RERE: variants seen among roughly 807,000 people sequenced by gnomAD.
RERE encodes the protein arginine-glutamic acid dipeptide repeats.
Under a neutral mutation model 146.1 loss-of-function variants are expected in RERE, and 40 were observed. That is an observed-to-expected ratio of 0.27 (90% CI 0.21 to 0.36). The LOEUF is 0.36. RERE is among the 10% of genes least tolerant of loss of function. RERE has a pLI of 1.00. For synonymous variants in RERE, 1,003 were observed against 866.0 expected, an observed-to-expected ratio of 1.16 and a Z score of -2.78; for missense variants, 1,933 against 2,138.7, an observed-to-expected ratio of 0.90 and a Z score of 1.90.
At chr1:8,749,767 A>G (rs1640493284) in intron 1 of RERE, among the ~76,000 whole-genome samples, 1 of 152,202 alleles carries the variant, frequency 6.6e-6, no homozygotes, top group Non-Finnish European at 1.5e-5. Context: ...TTTTACTCCC[A>G]GCAGAATGAG....
chr1:8,692,062 T>C (rs1016614175), intron 1 of RERE, among the ~76,000 whole-genome samples: 3 of 152,180 alleles, frequency 2.0e-5, no homozygotes, highest in African/African-American at 7.2e-5. Flanking sequence ...CATTTAACTC[T>C]ACATAGATCT....
At chr1:8,459,544 C>G (rs187670122) in intron 11 of RERE, among the ~76,000 whole-genome samples, 184 of 152,242 alleles carry the variant, frequency 1.2e-3, no homozygotes, top group Admixed American at 2.3e-3. Flanking sequence ...TAAAAATTTT[C>G]AAGTTATAAT....
At chr1:8,678,701 A>G (rs1469305721) in intron 1 of RERE, among the ~76,000 whole-genome samples, 4 of 152,144 alleles carry the variant, frequency 2.6e-5, no homozygotes, top group Non-Finnish European at 5.9e-5. Flanking sequence ...TCTCCAAAAA[A>G]ATAAAAATAA....
chr1:8,413,532 TG>T (rs1184019042), intron 12 of RERE, among the ~76,000 whole-genome samples: 1 of 151,198 alleles, frequency 6.6e-6, no homozygotes, highest in African/African-American at 2.4e-5. Context: ...TTTGTAGAGA[TG>T]GGGTTTCACC....
chr1:8,707,949 TTGTTA>T (rs1639589374), intron 1 of RERE, among the ~76,000 whole-genome samples: 1 of 150,766 alleles, frequency 6.6e-6, no homozygotes, highest in South Asian at 2.1e-4. Flanking sequence ...TTACAATGTA[TTGTTA>T]TAATTGTTCT....
chr1:8,375,539 T>C (rs1242300638), intron 12 of RERE, among the ~76,000 whole-genome samples: 1 of 150,978 alleles, frequency 6.6e-6, no homozygotes, highest in Non-Finnish European at 1.5e-5. Context: ...CCACTGAAAA[T>C]GCTTCCTCGC....
At chr1:8,610,312 C>G (rs571328153) in intron 4 of RERE, among the ~76,000 whole-genome samples, 3 of 152,112 alleles carry the variant, frequency 2.0e-5, no homozygotes, top group East Asian at 1.9e-4. Flanking sequence ...GAATTTGGGC[C>G]GGGCACAGTG....
Position 8,423,515 on chromosome 1 carries a change from C to T in RERE, c.1204-708G>A, listed in dbSNP as rs1441674197. The T allele has an allele frequency of 1.0e-6, 1 of 982,676 alleles. No individual in the cohort carries two copies. The highest frequency in any genetic ancestry group is 1.7e-5 in the African/African-American group (1 of 57,192). 60.9% of individuals were successfully genotyped at this position (982,676 alleles called of 1,614,324 possible). ...CACTTTGTCCCATGCCTCCCGAGCA[C>T]CCCTCCCCGCCCCGGTGGGGGCAGC... is the stretch of plus-strand genomic sequence containing the variant. On this transcript the variant is annotated intron_variant, in intron 11 of 22. Transcript: ENST00000400908. The surrounding 1 kb of genome is among the most constrained non-coding windows in gnomAD (Gnocchi z 5.4).
intron 1 of RERE, among the ~76,000 whole-genome samples, chr1:8,727,454 T>C (rs1639994943): frequency 6.6e-6 from 1 of 152,178 alleles, no homozygotes; most frequent in Non-Finnish European, 1.5e-5. Flanking sequence ...TAGTCATTAT[T>C]AAAACATACA....
At chr1:8,694,029 C>CAAAA (rs144018056) in intron 1 of RERE, among the ~76,000 whole-genome samples, 53 of 120,554 alleles carry the variant, frequency 4.4e-4, no homozygotes, top group Middle Eastern at 4.5e-3. Flanking sequence ...TTTTCTTTCC[C>CAAAA]AAAAAAAAAA....
chr1:8,655,887 T>C, intron 2 of RERE, 86 bp downstream of exon 2: 1 of 1,525,642 alleles, frequency 6.6e-7, no homozygotes. Flanking sequence ...TTCCTTAAAG[T>C]GTACAAAGCG....
chr1:8,596,133 T>C (rs193053277), intron 4 of RERE, among the ~76,000 whole-genome samples: 23 of 152,372 alleles, frequency 1.5e-4, no homozygotes, highest in African/African-American at 4.8e-4. Flanking sequence ...AGTTGAGTAG[T>C]TGCCATACAG....
intron 12 of RERE, among the ~76,000 whole-genome samples, chr1:8,392,333 A>C (rs994725048): frequency 3.3e-5 from 5 of 152,228 alleles, no homozygotes; most frequent in Admixed American, 2.6e-4. Context: ...AAAAAAGGTG[A>C]ATCTAACAAA....
intron 1 of RERE, among the ~76,000 whole-genome samples, chr1:8,693,987 T>G: frequency 6.7e-6 from 1 of 150,178 alleles, no homozygotes; most frequent in East Asian, 1.9e-4. Context: ...TGCTTAAATG[T>G]TAGGCCTGTT....
At chr1:8,689,835 T>C (rs1276788302) in intron 1 of RERE, among the ~76,000 whole-genome samples, 1 of 150,356 alleles carries the variant, frequency 6.7e-6, no homozygotes, top group African/African-American at 2.5e-5. Context: ...AAACTGTAAA[T>C]GTGGGAAACT....
Position 8,358,514 on chromosome 1 carries a change from C to G in RERE, c.4021G>C (p.Ala1341Pro). ...PPELDPLHPA[A>P]NPMEHFARHS... ...CGGGCAAAGTGCTCCATGGGGTTGG[C>G]GGCTGGGTGCAGGGGGTCCAGCTCT... The change falls in exon 20 of 23, where the codon GCC becomes CCC. Residue 1341 changes from alanine (A) to proline (P), a missense_variant. Around this residue, in one of 11 missense-constraint regions of RERE, gnomAD observed 1,255 missense variants for 1,153.8 expected, o/e 1.09. Coordinates refer to ENST00000400908, the MANE Select transcript of RERE (RefSeq NM_001042681.2). 1.3e-6 allele frequency: 2 copies of G among 1,591,598 alleles called. No individual in the cohort carries two copies. The highest frequency in any genetic ancestry group is 1.7e-6 in the Non-Finnish European group (2 of 1,169,880).
chr1:8,645,960 C>T (rs1432551834), intron 2 of RERE, among the ~76,000 whole-genome samples: 1 of 152,086 alleles, frequency 6.6e-6, no homozygotes, highest in Admixed American at 6.5e-5. Context: ...TAATGTAATC[C>T]ATAACTAAAA....
chr1:8,683,545 G>C, intron 1 of RERE, among the ~76,000 whole-genome samples: 1 of 152,088 alleles, frequency 6.6e-6, no homozygotes, highest in East Asian at 1.9e-4. Flanking sequence ...ACAGTTACTG[G>C]TGCTGCTTTT....
intron 1 of RERE, among the ~76,000 whole-genome samples, chr1:8,778,381 G>A (rs1187092167): frequency 6.6e-6 from 1 of 152,148 alleles, no homozygotes; most frequent in Non-Finnish European, 1.5e-5. Context: ...TACTTATCAA[G>A]AACTGATGAT....
Sources: allele counts gnomAD v4.1 joint callset (sites outside exome capture counted in the v4.1 genomes callset), GRCh38; gene constraint gnomAD v4.1.1; regional missense constraint gnomAD v4.1.1; non-coding constraint Gnocchi (gnomAD v3.1); transcripts MANE v1.5; gene names NCBI Gene and HGNC (gene_info 2026-07-23, HGNC 2026-07-21).